The following PCDHA13 variants were observed in gnomAD, a reference collection of about 807,000 sequenced individuals.
PCDHA13 encodes the protein protocadherin alpha-13.
Under a neutral mutation model 64.8 loss-of-function variants are expected in PCDHA13, and 54 were observed. The observed-to-expected ratio is 0.83, with a 90% confidence interval of 0.67 to 1.04. The LOEUF (loss-of-function observed/expected upper bound fraction) is 1.04, where lower values mean the gene tolerates loss of function less well. Among genes scored for constraint, PCDHA13 ranks in the 50% least tolerant of loss-of-function variants. The pLI is 0.00. For synonymous variants in PCDHA13, 587 were observed against 564.4 expected (o/e 1.04, Z -0.57); for missense variants, 1,248 against 1,254.3 (o/e 0.99, Z 0.08).
chr5:140,914,928 T>C lies in PCDHA13; in HGVS notation c.2394+30266T>C, dbSNP rs75399267. On this transcript the variant is annotated intron_variant, in intron 1 of 3. Coordinates refer to ENST00000289272, the MANE Select transcript of PCDHA13 (RefSeq NM_018904.3). ...TGTTTCTCTGTGTCTTATTGTACTA[T>C]GTTGTGAAAAGTTGTCTTTTTTTTT... Among the ~76,000 whole-genome samples the C allele has an allele frequency of 4.6e-3, 691 of 150,904 alleles. 3 individuals carry two copies. The highest frequency in any genetic ancestry group is 0.016 in the African/African-American group (668 of 41,182).
chr5:140,968,702 A>G, intron 1 of PCDHA13: 3 of 1,614,178 alleles, frequency 1.9e-6, no homozygotes, highest in Non-Finnish European at 2.5e-6. Flanking sequence ...TAGGACTACC[A>G]GGAAGATGGG....
chr5:140,928,940 AT>A (rs573936635), intron 1 of PCDHA13: 94 of 1,614,062 alleles, frequency 5.8e-5, no homozygotes, highest in Non-Finnish European at 7.9e-5. Flanking sequence ...CAGAACTTGT[AT>A]TTAGTAATTG....
chr5:140,919,926 TG>T (rs1366281727), intron 1 of PCDHA13, among the ~76,000 whole-genome samples: 3 of 152,088 alleles, frequency 2.0e-5, no homozygotes, highest in African/African-American at 7.2e-5. Flanking sequence ...AATTTTCAGG[TG>T]GGGGCTAATT....
At position 140,993,767 on chromosome 5, in the gene PCDHA13, G is replaced by C. The variant is rs115607244; in HGVS notation, c.2542+11204G>C. ...ATACTTGCCATTATATTACAATTGC[G>C]CAGTATTTTGTACAGTAACATGCTG... On this transcript the variant is annotated intron_variant, in intron 3 of 3. Transcript: ENST00000289272. Among the ~76,000 whole-genome samples, 826 of 152,124 alleles carry C rather than the reference G, an allele frequency of 5.4e-3. 11 individuals are homozygous for C. Among genetic ancestry groups the C allele is most frequent in the African/African-American group, 0.018 (749 of 41,482 alleles).
chr5:140,925,061 C>T (rs968376229), intron 1 of PCDHA13, among the ~76,000 whole-genome samples: 2 of 147,510 alleles, frequency 1.4e-5, no homozygotes, highest in Non-Finnish European at 3.0e-5. Context: ...GACTGGGCAA[C>T]AAAGCAACAC....
At chr5:140,902,066 T>C (rs2069077660) in intron 1 of PCDHA13, among the ~76,000 whole-genome samples, 1 of 152,202 alleles carries the variant, frequency 6.6e-6, no homozygotes, top group Admixed American at 6.5e-5. Flanking sequence ...GCAACTTTAC[T>C]GAATTTATTG....
intron 3 of PCDHA13, among the ~76,000 whole-genome samples, chr5:140,997,109 G>A (rs1293025484): frequency 1.3e-5 from 2 of 152,022 alleles, no homozygotes; most frequent in Non-Finnish European, 2.9e-5. Flanking sequence ...ATGCACTCCT[G>A]CTCTCCCACA....
At chr5:140,991,167 G>T (rs186627829) in intron 3 of PCDHA13, among the ~76,000 whole-genome samples, 2 of 152,270 alleles carry the variant, frequency 1.3e-5, no homozygotes, top group Non-Finnish European at 2.9e-5. Flanking sequence ...TATTCCCATT[G>T]TCAAGCAGGA....
intron 1 of PCDHA13, among the ~76,000 whole-genome samples, chr5:140,936,994 TA>T (rs1472246875): frequency 6.6e-6 from 1 of 152,140 alleles, no homozygotes; most frequent in Non-Finnish European, 1.5e-5. Context: ...ACATTGACAA[TA>T]TTGAGACAGA....
At chr5:140,894,841 T>C in intron 1 of PCDHA13, among the ~76,000 whole-genome samples, 1 of 152,184 alleles carries the variant, frequency 6.6e-6, no homozygotes, top group East Asian at 1.9e-4. Context: ...TTTCTTATGC[T>C]CATTTTTATA....
intron 3 of PCDHA13, among the ~76,000 whole-genome samples, chr5:141,005,701 C>CAA (rs59860837): frequency 0.061 from 476 of 7,774 alleles, 114 homozygotes; most frequent in African/African-American, 0.16. Flanking sequence ...AACTCCGTCT[C>CAA]AAAAAAAAAA....
chr5:140,986,154 A>G (rs2097188970), intron 3 of PCDHA13, among the ~76,000 whole-genome samples: 1 of 152,182 alleles, frequency 6.6e-6, no homozygotes, highest in Non-Finnish European at 1.5e-5. Context: ...TCACCAAGTA[A>G]TGTTTTCTGC....
At chr5:140,994,451 C>T (rs782287082) in intron 3 of PCDHA13, among the ~76,000 whole-genome samples, 14 of 152,116 alleles carry the variant, frequency 9.2e-5, no homozygotes, top group Non-Finnish European at 1.6e-4. Flanking sequence ...ACCTGTGATC[C>T]CAGCACTTTG....
intron 1 of PCDHA13, among the ~76,000 whole-genome samples, chr5:140,941,202 C>T (rs246071): frequency 0.094 from 11,551 of 122,542 alleles, 708 homozygotes; most frequent in Admixed American, 0.12. Context: ...TTTCTTTCTT[C>T]CTTTCTTTCT....
intron 1 of PCDHA13, among the ~76,000 whole-genome samples, chr5:140,943,277 AGAAAG>A (rs797041544): frequency 8.1e-4 from 104 of 129,164 alleles, no homozygotes; most frequent in African/African-American, 3.0e-3. Context: ...AAAAAAAAAA[AGAAAG>A]AAAGAATTAA....
chr5:140,968,114 A>G, intron 1 of PCDHA13: 1 of 1,614,164 alleles, frequency 6.2e-7, no homozygotes, highest in Non-Finnish European at 8.5e-7. Context: ...ACCGCAGCTC[A>G]CATCCCTGCG....
At chr5:140,916,296 G>C (rs2077516868) in intron 1 of PCDHA13, among the ~76,000 whole-genome samples, 1 of 152,094 alleles carries the variant, frequency 6.6e-6, no homozygotes, top group Admixed American at 6.5e-5. Flanking sequence ...TGGCCAAACT[G>C]GTACCAAAGG....
chr5:140,990,172 TGA>T (rs1341832599), intron 3 of PCDHA13, among the ~76,000 whole-genome samples: 1 of 152,022 alleles, frequency 6.6e-6, no homozygotes, highest in Non-Finnish European at 1.5e-5. Context: ...TATGAAAAGG[TGA>T]CTTTTAAGAA....
rs372392810 is a variant in PCDHA13, at chr5:140,953,521, C to T, written c.2395-25428C>T. On this transcript the variant is annotated intron_variant, in intron 1 of 3. Coordinates refer to ENST00000289272, the MANE Select transcript of PCDHA13 (RefSeq NM_018904.3). Reference sequence around the variant, plus strand: ...AGCTATTAGGCCAAAGCAACAAAAACGGGAAACTCACTTCATGCTGATTCT... The same window carrying T: ...AGCTATTAGGCCAAAGCAACAAAAATGGGAAACTCACTTCATGCTGATTCT... 2.0e-5 allele frequency among the ~76,000 whole-genome samples: 3 copies of T among 152,230 alleles called. No individual in the cohort carries two copies. In the East Asian group the frequency reaches 5.8e-4, roughly 29 times the overall value.
Sources: gnomAD v4.1 joint callset for allele counts (sites outside exome capture counted in the v4.1 genomes callset) on GRCh38, gnomAD v4.1.1 for gene constraint, MANE v1.5 for transcripts, NCBI Gene and HGNC (gene_info 2026-07-23, HGNC 2026-07-21) for gene names.